ADGRB3: variants seen among roughly 807,000 people sequenced by gnomAD.
ADGRB3 encodes brain-specific angiogenesis inhibitor 3.
Under a neutral mutation model 193.4 loss-of-function variants are expected in ADGRB3, and 37 were observed. The observed-to-expected ratio is 0.19, with a 90% CI of 0.15 to 0.25. The LOEUF (loss-of-function observed/expected upper bound fraction) is 0.25, where lower values mean the gene tolerates loss of function less well. Ranked by LOEUF, ADGRB3 falls within the 10% of genes least tolerant of loss-of-function variation. ADGRB3 has a pLI of 1.00. For missense variants in ADGRB3, 1,637 were observed against 1,852.9 expected, an observed-to-expected ratio of 0.88 and a Z score of 2.14; for synonymous variants, 690 against 644.2, an observed-to-expected ratio of 1.07 and a Z score of -1.08.
chr6:69,073,672 AC>A (rs768217196), intron 16 of ADGRB3, among the ~76,000 whole-genome samples: 10 of 152,128 alleles, frequency 6.6e-5, no homozygotes, highest in Non-Finnish European at 1.5e-4. Context: ...CTTATACTGC[AC>A]AGGCCTTGGA....
At chr6:69,277,421 G>A (rs1392167162) in intron 20 of ADGRB3, among the ~76,000 whole-genome samples, 1 of 152,134 alleles carries the variant, frequency 6.6e-6, no homozygotes, top group Non-Finnish European at 1.5e-5. Flanking sequence ...CATTTCATAT[G>A]TATCCAGCAG....
At chr6:68,746,046 G>T (rs192512762) in intron 3 of ADGRB3, among the ~76,000 whole-genome samples, 5 of 152,170 alleles carry the variant, frequency 3.3e-5, no homozygotes, top group African/African-American at 1.2e-4. Context: ...ATTTCTATGA[G>T]TAGAATTCTG....
At chr6:69,364,234 CAGA>C (rs993626920) in intron 29 of ADGRB3, among the ~76,000 whole-genome samples, 1 of 151,832 alleles carries the variant, frequency 6.6e-6, no homozygotes, top group African/African-American at 2.4e-5. Context: ...AAGGAAAAAA[CAGA>C]AGAAGGTAAA....
intron 3 of ADGRB3, among the ~76,000 whole-genome samples, chr6:68,661,538 CATAT>C (rs66836065): frequency 0.012 from 1,118 of 91,782 alleles, 80 homozygotes; most frequent in Middle Eastern, 0.041. Context: ...TATGTGTATA[CATAT>C]ATATATATAT....
intron 3 of ADGRB3, among the ~76,000 whole-genome samples, chr6:68,856,147 G>A (rs1274432233): frequency 6.6e-6 from 1 of 152,118 alleles, no homozygotes; most frequent in East Asian, 1.9e-4. Context: ...CAGCCACATG[G>A]GACTGTGAAT....
At chr6:68,665,960 A>G (rs973462876) in intron 3 of ADGRB3, among the ~76,000 whole-genome samples, 2 of 151,862 alleles carry the variant, frequency 1.3e-5, no homozygotes, top group African/African-American at 4.8e-5. Context: ...CTAACATCAA[A>G]TGATAAATAA....
intron 3 of ADGRB3, among the ~76,000 whole-genome samples, chr6:68,815,747 A>G (rs988614177): frequency 2.0e-5 from 3 of 152,066 alleles, no homozygotes; most frequent in African/African-American, 7.2e-5. Flanking sequence ...TACATACACA[A>G]TTGCACGAAA....
At chr6:69,040,480 C>G (rs1489459363) in intron 13 of ADGRB3, among the ~76,000 whole-genome samples, 2 of 151,154 alleles carry the variant, frequency 1.3e-5, no homozygotes, top group Non-Finnish European at 2.9e-5. Flanking sequence ...ATAAAACTTA[C>G]AAGAGTTGGG....
chr6:68,971,955 G>A (rs192347471), intron 8 of ADGRB3, among the ~76,000 whole-genome samples: 2 of 152,162 alleles, frequency 1.3e-5, no homozygotes, highest in Admixed American at 1.3e-4. Flanking sequence ...TCTGTGGCCC[G>A]CTGGTGGGAG....
At chr6:68,855,054 A>C (rs747716312) in intron 3 of ADGRB3, among the ~76,000 whole-genome samples, 3 of 152,198 alleles carry the variant, frequency 2.0e-5, no homozygotes, top group Non-Finnish European at 2.9e-5. Context: ...TCAGGAAGGA[A>C]CCTGCATCCA....
chr6:69,378,739 A>G (rs571583523), intron 30 of ADGRB3, among the ~76,000 whole-genome samples: 1 of 152,132 alleles, frequency 6.6e-6, no homozygotes, highest in African/African-American at 2.4e-5. Context: ...ATTTCTCTAG[A>G]TCCAACTTGG....
chr6:68,668,462 G>T (rs1327814250), intron 3 of ADGRB3, among the ~76,000 whole-genome samples: 2 of 151,662 alleles, frequency 1.3e-5, no homozygotes, highest in East Asian at 3.9e-4. Flanking sequence ...TTTTTCCTTT[G>T]GTAATTGTAT....
chr6:68,769,843 G>A (rs978208598), intron 3 of ADGRB3, among the ~76,000 whole-genome samples: 1 of 151,970 alleles, frequency 6.6e-6, no homozygotes, highest in African/African-American at 2.4e-5. Flanking sequence ...TATCAATCAG[G>A]TAAGAACTCA....
At chr6:69,136,858 C>G (rs1774163802) in intron 17 of ADGRB3, among the ~76,000 whole-genome samples, 1 of 151,934 alleles carries the variant, frequency 6.6e-6, no homozygotes, top group Non-Finnish European at 1.5e-5. Flanking sequence ...TTTTGTGGCA[C>G]TTTCTGTTTG....
chr6:68,994,626 T>C (rs1283230211), intron 11 of ADGRB3, among the ~76,000 whole-genome samples: 1 of 152,224 alleles, frequency 6.6e-6, no homozygotes, highest in Non-Finnish European at 1.5e-5. Context: ...AAACAAAGCA[T>C]ATTTAATGCA....
At chr6:69,056,928 T>G (rs1771560525) in intron 15 of ADGRB3, among the ~76,000 whole-genome samples, 1 of 152,144 alleles carries the variant, frequency 6.6e-6, no homozygotes, top group Non-Finnish European at 1.5e-5. Flanking sequence ...TCTTTGAGAT[T>G]TTATGTGAAT....
chr6:69,144,876 G>GTTCTTTCTTTCT (rs1274168235), intron 17 of ADGRB3, among the ~76,000 whole-genome samples: 27,357 of 138,936 alleles, frequency 0.2, 2,996 homozygotes, highest in Middle Eastern at 0.28. Flanking sequence ...TTGTTTGAGT[G>GTTCTTTCTTTCT]TTCTTTCTTT....
At chr6:69,230,258 T>C (rs1766104131) in intron 17 of ADGRB3, among the ~76,000 whole-genome samples, 1 of 152,216 alleles carries the variant, frequency 6.6e-6, no homozygotes, top group Non-Finnish European at 1.5e-5. Context: ...CATGTATATT[T>C]CACTGTTTTT....
At position 69,324,815 on chromosome 6, in the gene ADGRB3, T is replaced by C. The variant is rs1383287153; in HGVS notation, c.2815-57T>C. On this transcript the variant is annotated intron_variant, in intron 20 of 31. Transcript: ENST00000370598. Reference sequence around the variant, plus strand: ...GAGATTAACAATCCCCTGAAGAACATATCATTTTCCCTCTCCCAGGTTCAG... The same window carrying C: ...GAGATTAACAATCCCCTGAAGAACACATCATTTTCCCTCTCCCAGGTTCAG... 3.2e-6 allele frequency: 5 copies of C among 1,570,914 alleles called. No homozygotes were observed. In the African/African-American group the frequency reaches 5.4e-5, roughly 17 times the overall value.
Sources: allele counts gnomAD v4.1 joint callset (sites outside exome capture counted in the v4.1 genomes callset), GRCh38; gene constraint gnomAD v4.1.1; transcripts MANE v1.5; gene names NCBI Gene and HGNC (gene_info 2026-07-23, HGNC 2026-07-21).